The following TNR variants were observed in gnomAD, a reference collection of about 807,000 sequenced individuals.
The protein encoded by TNR is tenascin R.
In TNR, 45 loss-of-function variants were observed where a neutral mutation model predicts 150.4. That is an observed-to-expected ratio of 0.30 (90% CI 0.24 to 0.38). TNR has a LOEUF of 0.38. Among genes scored for constraint, TNR ranks in the 10% least tolerant of loss-of-function variants. The pLI is 1.00. For synonymous variants in TNR, 687 were observed against 678.4 expected (o/e 1.01, Z -0.20); for missense variants, 1,544 against 1,759.1 (o/e 0.88, Z 2.19).
At chr1:175,367,133 G>T in intron 10 of TNR, 75 bp downstream of exon 10, 2 of 1,344,712 alleles carry the variant, frequency 1.5e-6, no homozygotes, top group Non-Finnish European at 2.1e-6. Flanking sequence ...ATTAATTTTT[G>T]CTGGGACGAG....
At chr1:175,537,560 C>G (rs1445659115) in intron 1 of TNR, among the ~76,000 whole-genome samples, 7 of 152,210 alleles carry the variant, frequency 4.6e-5, no homozygotes, top group Non-Finnish European at 8.8e-5. Flanking sequence ...GAATCTCTGT[C>G]ATCTCAGAAC....
intron 2 of TNR, among the ~76,000 whole-genome samples, chr1:175,463,988 C>A (rs1399012933): frequency 6.6e-6 from 1 of 152,198 alleles, no homozygotes; most frequent in East Asian, 1.9e-4. Context: ...CCTCAGCATT[C>A]TTGAATCTGA....
At chr1:175,444,993 G>T (rs1173890934) in intron 2 of TNR, among the ~76,000 whole-genome samples, 1 of 152,148 alleles carries the variant, frequency 6.6e-6, no homozygotes, top group South Asian at 2.1e-4. Context: ...TGAGGCAGCC[G>T]GGCGCGGTGG....
intron 4 of TNR, among the ~76,000 whole-genome samples, chr1:175,401,284 A>G (rs1287523363): frequency 1.3e-5 from 2 of 152,196 alleles, no homozygotes; most frequent in Admixed American, 6.5e-5. Flanking sequence ...GAGTAAGTCT[A>G]CTAAGAAGCA....
chr1:175,710,641 G>C (rs1666985471), intron 1 of TNR, among the ~76,000 whole-genome samples: 1 of 152,064 alleles, frequency 6.6e-6, no homozygotes, highest in South Asian at 2.1e-4. Context: ...TCCCTTAGCA[G>C]TTTCCTCAAT....
At chr1:175,500,687 G>A (rs1658698588) in intron 2 of TNR, among the ~76,000 whole-genome samples, 1 of 152,208 alleles carries the variant, frequency 6.6e-6, no homozygotes, top group South Asian at 2.1e-4. Flanking sequence ...GCTCCATGCA[G>A]CAAGGCAGCA....
intron 1 of TNR, among the ~76,000 whole-genome samples, chr1:175,643,053 A>G (rs1349179884): frequency 6.6e-6 from 1 of 152,216 alleles, no homozygotes; most frequent in Non-Finnish European, 1.5e-5. Flanking sequence ...GAGAAACGTT[A>G]ATAGAATTTT....
intron 11 of TNR, 33 bp downstream of exon 11, chr1:175,365,842 T>C (rs773174887): frequency 3.7e-6 from 6 of 1,601,116 alleles, no homozygotes; most frequent in African/African-American, 1.3e-5. Flanking sequence ...CACTGATCCC[T>C]GAACCTGGCT....
At chr1:175,335,629 A>G in intron 20 of TNR, 82 bp downstream of exon 20, 1 of 1,361,378 alleles carries the variant, frequency 7.3e-7, no homozygotes, top group Non-Finnish European at 1.0e-6. Context: ...GGTTTCTGAT[A>G]ATCTCAGATG....
Position 175,337,980 on chromosome 1 carries a change from C to T in TNR, c.3383-301G>A, listed in dbSNP as rs771037346. Among the ~76,000 whole-genome samples the T allele has an allele frequency of 1.6e-4, 24 of 152,282 alleles. No homozygotes were observed. The South Asian group carries it at 2.5e-3, about 16-fold the overall frequency. ...TTTGACTTTAAGTAAATCAGTTGGG[C>T]GTCAGTTTTCTTATCAGTAAAATGG... On this transcript the variant is annotated intron_variant, in intron 18 of 22. Coordinates refer to ENST00000367674, the MANE Select transcript of TNR (RefSeq NM_003285.3).
In TNR at chr1:175,599,321, CGGGGCAGACCGCATA is replaced by C. The variant is rs553255884; in HGVS notation, c.-164-70967_-164-70953del. On this transcript the variant is annotated intron_variant, in intron 1 of 22. Coordinates refer to ENST00000367674, the MANE Select transcript of TNR (RefSeq NM_003285.3). The surrounding 1 kb of genome is among the most constrained non-coding windows in gnomAD (Gnocchi z 4.7). Reference sequence around the variant, plus strand: ...GGCGGAGACATCGCAGCAACGCTAACGGGGCAGACCGCATAGGGGCCCTGAGAGGCACACACGCGC... The same window carrying C: ...GGCGGAGACATCGCAGCAACGCTAACGGGGCCCTGAGAGGCACACACGCGC... Among the ~76,000 whole-genome samples, 6 of 152,202 alleles carry C rather than the reference CGGGGCAGACCGCATA, an allele frequency of 3.9e-5. No homozygotes were observed. The highest frequency in any genetic ancestry group is 8.8e-5 in the Non-Finnish European group (6 of 68,024).
chr1:175,458,660 T>C (rs769777547), intron 2 of TNR, among the ~76,000 whole-genome samples: 18 of 152,166 alleles, frequency 1.2e-4, no homozygotes, highest in Non-Finnish European at 1.9e-4. Flanking sequence ...CCCTCACAAA[T>C]GGAACTTTCA....
At chr1:175,489,440 T>A (rs925001480) in intron 2 of TNR, among the ~76,000 whole-genome samples, 29 of 152,260 alleles carry the variant, frequency 1.9e-4, no homozygotes, top group African/African-American at 5.5e-4. Context: ...AATTTGATCA[T>A]CCCAAACACC....
At chr1:175,346,773 G>C (rs1034704715) in intron 18 of TNR, among the ~76,000 whole-genome samples, 2 of 151,672 alleles carry the variant, frequency 1.3e-5, no homozygotes, top group Admixed American at 1.3e-4. Flanking sequence ...AGACGTGGTA[G>C]TCAAATGTTT....
intron 1 of TNR, among the ~76,000 whole-genome samples, chr1:175,661,512 G>A (rs921905062): frequency 1.3e-5 from 2 of 152,034 alleles, no homozygotes; most frequent in African/African-American, 4.8e-5. Context: ...GAGAGAAAAG[G>A]GTTTCTAGAC....
chr1:175,682,555 C>T lies in TNR; in HGVS notation c.-165+60671G>A, dbSNP rs547837133. On this transcript the variant is annotated intron_variant, in intron 1 of 22. Transcript: ENST00000367674. ...GTCCTGACTCCCACCATCTTCTGCC[C>T]TTGTGGGATGGAATGCTGGGCTCAG... 7.2e-5 allele frequency among the ~76,000 whole-genome samples: 11 copies of T among 152,240 alleles called. No homozygotes were observed. In the South Asian group the frequency reaches 1.9e-3, roughly 26 times the overall value.
At chr1:175,492,777 T>C (rs1658317171) in intron 2 of TNR, among the ~76,000 whole-genome samples, 2 of 152,134 alleles carry the variant, frequency 1.3e-5, no homozygotes, top group Non-Finnish European at 2.9e-5. Context: ...GGTTGATGAT[T>C]TTTATAGAGG....
In TNR at chr1:175,376,584, G is replaced by C. The variant is rs113438907; in HGVS notation, c.1963+2968C>G. On this transcript the variant is annotated intron_variant, in intron 9 of 22. Transcript: ENST00000367674. ...AAAAACTTAACTTTTTACGCTCCAA[G>C]TTGGAGAGTGAGTGAGAAAGCACAA... is the stretch of plus-strand genomic sequence containing the variant. 2.7e-3 allele frequency among the ~76,000 whole-genome samples: 415 copies of C among 152,306 alleles called. 4 individuals are homozygous for C. Among genetic ancestry groups the C allele is most frequent in the African/African-American group, 9.5e-3 (397 of 41,578 alleles).
chr1:175,353,564 T>A (rs1354087893), intron 18 of TNR, among the ~76,000 whole-genome samples: 2 of 152,158 alleles, frequency 1.3e-5, no homozygotes, highest in Admixed American at 6.5e-5. Flanking sequence ...GCCATGTAAG[T>A]CTTTGGTTTC....
Sources: allele counts gnomAD v4.1 joint callset (sites outside exome capture counted in the v4.1 genomes callset), GRCh38; gene constraint gnomAD v4.1.1; non-coding constraint Gnocchi (gnomAD v3.1); transcripts MANE v1.5; gene names NCBI Gene and HGNC (gene_info 2026-07-23, HGNC 2026-07-21).